PPP1R21: variants seen among roughly 807,000 people sequenced by gnomAD.
PPP1R21 encodes protein phosphatase 1 regulatory subunit 21.
PPP1R21 carries 85 observed loss-of-function variants against 112.8 expected under a neutral mutation model. The observed-to-expected ratio is 0.75, with a 90% CI of 0.63 to 0.90. The LOEUF (loss-of-function observed/expected upper bound fraction) is 0.90. Ranked by LOEUF, PPP1R21 falls within the 40% of genes least tolerant of loss-of-function variation. PPP1R21 has a pLI of 0.00. For synonymous variants in PPP1R21, 381 were observed against 322.3 expected, an observed-to-expected ratio of 1.18 and a Z score of -1.95; for missense variants, 1,199 against 901.5, an observed-to-expected ratio of 1.33 and a Z score of -4.23.
At chr2:48,498,139 G>T (rs1397243982) in intron 16 of PPP1R21, among the ~76,000 whole-genome samples, 2 of 151,578 alleles carry the variant, frequency 1.3e-5, no homozygotes, top group South Asian at 2.1e-4. Flanking sequence ...CTTCTTCTCT[G>T]TTGAGTTGTC....
At position 48,440,850 on chromosome 2, in the gene PPP1R21, A is replaced by T. The variant is rs903578326; in HGVS notation, c.-104A>T. 6 of 762,158 alleles carry T rather than the reference A, an allele frequency of 7.9e-6. No individual in the cohort carries two copies. The highest frequency in any genetic ancestry group is 1.9e-5 in the African/African-American group (1 of 52,848). The allele number at this position is 762,158 out of a possible 1,614,324, so 47.2% of individuals were successfully genotyped here. A position where few individuals can be genotyped will look rare whatever the true frequency, so the allele number is the denominator to read the frequency against. On this transcript the variant is annotated 5_prime_UTR_variant, in exon 1 of 22. Transcript: ENST00000294952. ...GCGGCGGCGGCTGCGGTGGCCAAGC[A>T]GGCAGATACTGCCTGACCCGTTCCC...
chr2:48,442,304 A>C (rs1431932936), intron 1 of PPP1R21, among the ~76,000 whole-genome samples: 1 of 152,184 alleles, frequency 6.6e-6, no homozygotes, highest in Non-Finnish European at 1.5e-5. Context: ...AAGAAGAAAA[A>C]AATAAGAAAA....
At chr2:48,502,855 T>C (rs1269849603) in intron 17 of PPP1R21, among the ~76,000 whole-genome samples, 1 of 151,912 alleles carries the variant, frequency 6.6e-6, no homozygotes, top group Non-Finnish European at 1.5e-5. Flanking sequence ...TAATTTTTTG[T>C]ATTTTTAGTA....
At chr2:48,501,224 C>T (rs1195340085) in intron 17 of PPP1R21, among the ~76,000 whole-genome samples, 1 of 152,236 alleles carries the variant, frequency 6.6e-6, no homozygotes, top group South Asian at 2.1e-4. Context: ...ACTGCCCCCA[C>T]TCCCTTGCCT....
chr2:48,505,525 C>G, intron 17 of PPP1R21, 39 bp from the exon 18 acceptor site: 1 of 1,468,308 alleles, frequency 6.8e-7, no homozygotes, highest in Non-Finnish European at 9.3e-7. Context: ...TTGAAATGTA[C>G]ACATTCTGTT....
Position 48,440,899 on chromosome 2 carries a change from C to G in PPP1R21, c.-55C>G, listed in dbSNP as rs1572816644. 1 of 941,836 alleles carries G rather than the reference C, an allele frequency of 1.1e-6. No homozygotes were observed. Among genetic ancestry groups the G allele is most frequent in the Admixed American group, 2.5e-5 (1 of 40,348 alleles). 58.3% of individuals were successfully genotyped at this position (941,836 alleles called of 1,614,324 possible). On this transcript the variant is annotated 5_prime_UTR_variant, in exon 1 of 22. Transcript: ENST00000294952. ...CCGGGAGCGTGTCTGGGTTTGGGGG[C>G]GGGAGACAGGCTGAGCCGCCTGGGC... is the stretch of plus-strand genomic sequence containing the variant.
intron 19 of PPP1R21, among the ~76,000 whole-genome samples, 183 bp downstream of exon 19, chr2:48,507,568 C>T (rs752196817): frequency 1.3e-5 from 2 of 151,890 alleles, no homozygotes; most frequent in Non-Finnish European, 2.9e-5. Flanking sequence ...GGGGTTTCAC[C>T]GTGTTAGCCA....
Position 48,505,567 on chromosome 2 carries a change from G to A in PPP1R21, c.1939G>A (p.Gly647Arg). 1 of 1,549,546 alleles carries A rather than the reference G, an allele frequency of 6.5e-7. No homozygotes were observed. The highest frequency in any genetic ancestry group is 8.7e-7 in the Non-Finnish European group (1 of 1,144,554). ...GATTTTTCCCCTTATGTTCTAGATT[G>A]GGACTTTAACCAGGACATCTGACAG... ...LEPIQSTSLI[G>R]TLTRTSDSEV... Residue 647 changes from glycine to arginine, a missense_variant, in exon 18 of 22, where the codon GGG (glycine) becomes AGG (arginine). Transcript: ENST00000294952.
At chr2:48,463,371 C>G (rs560541083) in intron 7 of PPP1R21, among the ~76,000 whole-genome samples, 1 of 152,212 alleles carries the variant, frequency 6.6e-6, no homozygotes, top group East Asian at 1.9e-4. Context: ...GGTGATGTAT[C>G]AAGGCGACTG....
chr2:48,441,996 C>G (rs139524479), intron 1 of PPP1R21, among the ~76,000 whole-genome samples: 26 of 152,322 alleles, frequency 1.7e-4, no homozygotes, highest in African/African-American at 6.0e-4. Context: ...TGTGCCTAAA[C>G]ATACACACTT....
chr2:48,465,008 G>A lies in PPP1R21; in HGVS notation c.747+19G>A, dbSNP rs766567573. On this transcript the variant is annotated intron_variant, in intron 8 of 21. Transcript: ENST00000294952. ...ACACCAGGTAAAGGATGAAGTACATGTTTTTATTTTCAGTTATATATACAT... is the reference window on the plus strand; with the variant it reads ...ACACCAGGTAAAGGATGAAGTACATATTTTTATTTTCAGTTATATATACAT... 2 of 1,553,574 alleles carry A rather than the reference G, an allele frequency of 1.3e-6. No homozygotes were observed. Among genetic ancestry groups the A allele is most frequent in the East Asian group, 4.8e-5 (2 of 41,364 alleles).
Position 48,451,055 on chromosome 2 carries a change from A to G in PPP1R21, c.105A>G (p.Gln35=). Reference sequence around the variant, plus strand: ...TGAAAAAAGGTGTTGTGGATGAACAAGCAAATTCTGCAGCTTTAAAGGTGG... The same window carrying G: ...TGAAAAAAGGTGTTGTGGATGAACAGGCAAATTCTGCAGCTTTAAAGGTGG... ...QVLKKGVVDE[Q]ANSAALKEQL... The change falls in exon 2 of 22, where the codon CAA becomes CAG. Residue 35 remains glutamine (Q), a synonymous_variant. Coordinates refer to ENST00000294952, the MANE Select transcript of PPP1R21 (RefSeq NM_001135629.3). The G allele has an allele frequency of 1.9e-6, 3 of 1,613,790 alleles. No individual in the cohort carries two copies. Among genetic ancestry groups the G allele is most frequent in the East Asian group, 2.2e-5 (1 of 44,858 alleles).
intron 11 of PPP1R21, among the ~76,000 whole-genome samples, chr2:48,472,323 A>T (rs570485338): frequency 2.0e-5 from 3 of 151,056 alleles, no homozygotes; most frequent in Non-Finnish European, 4.4e-5. Flanking sequence ...AGTAAAATAA[A>T]ATTTAGAAAA....
At chr2:48,507,121 A>G (rs1225494206) in intron 18 of PPP1R21, 148 bp from the exon 19 acceptor site, 1 of 1,153,734 alleles carries the variant, frequency 8.7e-7, no homozygotes, top group African/African-American at 1.6e-5. Flanking sequence ...GCTATGTCTG[A>G]AGTTTCTTCG....
At chr2:48,497,242 C>T (rs770339158) in intron 16 of PPP1R21, among the ~76,000 whole-genome samples, 2 of 152,154 alleles carry the variant, frequency 1.3e-5, no homozygotes, top group Non-Finnish European at 2.9e-5. Context: ...ACAAAACTGA[C>T]TACTTGTTTG....
intron 17 of PPP1R21, among the ~76,000 whole-genome samples, chr2:48,499,305 C>G (rs1212676499): frequency 7.2e-5 from 11 of 152,156 alleles, no homozygotes; most frequent in Admixed American, 7.2e-4. Flanking sequence ...ATGGTGAGGA[C>G]TATGTTCCTG....
intron 13 of PPP1R21, among the ~76,000 whole-genome samples, chr2:48,483,954 C>T (rs1386918943): frequency 1.3e-5 from 2 of 152,094 alleles, no homozygotes; most frequent in African/African-American, 2.4e-5. Context: ...TCCCAAAGTG[C>T]TGGGATTACA....
At chr2:48,455,142 ATTTTTTTT>A (rs767494556) in intron 3 of PPP1R21, among the ~76,000 whole-genome samples, 39 of 117,014 alleles carry the variant, frequency 3.3e-4, no homozygotes, top group Non-Finnish European at 4.4e-4. Flanking sequence ...CCGGCCCTGA[ATTTTTTTT>A]TTTTTTTTTT....
chr2:48,460,019 C>T, intron 5 of PPP1R21, 76 bp from the exon 6 acceptor site: 3 of 1,594,284 alleles, frequency 1.9e-6, no homozygotes, highest in South Asian at 1.1e-5. Flanking sequence ...AGACTTTTGC[C>T]TGCAGGGTCT....
Sources: allele counts gnomAD v4.1 joint callset (sites outside exome capture counted in the v4.1 genomes callset), GRCh38; gene constraint gnomAD v4.1.1; transcripts MANE v1.5; gene names NCBI Gene and HGNC (gene_info 2026-07-23, HGNC 2026-07-21).